Variants in AK9 observed in about 807,000 individuals in gnomAD.
The protein encoded by AK9 is adenylate kinase domain containing 1.
A neutral mutation model predicts 239.6 loss-of-function variants in AK9; 191 were observed. That is an observed-to-expected ratio of 0.80 (90% confidence interval 0.71 to 0.90). The LOEUF (loss-of-function observed/expected upper bound fraction) is 0.90, where lower values mean the gene tolerates loss of function less well. Among genes scored for constraint, AK9 ranks in the 40% least tolerant of loss-of-function variants. The probability of loss-of-function intolerance (pLI) is 0.00; values close to 1 mark genes in which losing one functional copy is unlikely to be tolerated. For synonymous variants in AK9, 689 were observed against 721.0 expected, an observed-to-expected ratio of 0.96 and a Z score of 0.71; for missense variants, 1,995 against 2,214.7, an observed-to-expected ratio of 0.90 and a Z score of 1.99.
chr6:109,627,208 T>G (rs189480665), intron 12 of AK9, among the ~76,000 whole-genome samples: 2 of 138,932 alleles, frequency 1.4e-5, no homozygotes, highest in East Asian at 4.9e-4. Context: ...GTCTTCCTCC[T>G]CTATATCTTG....
At chr6:109,678,590 T>C (rs1772103449) in intron 1 of AK9, among the ~76,000 whole-genome samples, 1 of 152,186 alleles carries the variant, frequency 6.6e-6, no homozygotes, top group African/African-American at 2.4e-5. Context: ...TCTACAGTTA[T>C]CTCAAAATGA....
intron 25 of AK9, among the ~76,000 whole-genome samples, chr6:109,549,157 T>C (rs1455141079): frequency 6.6e-6 from 1 of 152,158 alleles, no homozygotes; most frequent in African/African-American, 2.4e-5. Flanking sequence ...ATAGCCATGG[T>C]AACAATAGCC....
chr6:109,566,466 A>G (rs57475042), intron 21 of AK9, among the ~76,000 whole-genome samples: 1 of 152,320 alleles, frequency 6.6e-6, no homozygotes, highest in East Asian at 1.9e-4. Flanking sequence ...TACAAGATGT[A>G]TGCTTGGAGT....
At chr6:109,534,287 ATTTAT>A (rs892287240) in intron 27 of AK9, among the ~76,000 whole-genome samples, 5 of 150,200 alleles carry the variant, frequency 3.3e-5, no homozygotes, top group African/African-American at 4.8e-5. Flanking sequence ...ACTTATTTTA[ATTTAT>A]TTTATTTTAT....
chr6:109,569,287 G>C (rs1385370710), intron 21 of AK9, among the ~76,000 whole-genome samples: 2 of 152,132 alleles, frequency 1.3e-5, no homozygotes, highest in Non-Finnish European at 2.9e-5. Context: ...ATTCAAGATG[G>C]ATTAAAGACT....
intron 17 of AK9, among the ~76,000 whole-genome samples, chr6:109,600,686 C>T (rs1357212768): frequency 9.2e-5 from 14 of 152,212 alleles, no homozygotes; most frequent in African/African-American, 3.4e-4. Flanking sequence ...TGGTAGAATT[C>T]GGCTGTGAAT....
Position 109,493,338 on chromosome 6 carries a change from T to C in AK9, c.*31A>G, listed in dbSNP as rs1562309850. ...TCCCTCTATCACTTTCAGATAACTC[T>C]TGAGATTCAGGCTGCTATCACCTAA... On this transcript the variant is annotated 3_prime_UTR_variant, in exon 41 of 41. Transcript: ENST00000424296. 6.9e-6 allele frequency: 11 copies of C among 1,591,566 alleles called. No homozygotes were observed. The highest frequency in any genetic ancestry group is 9.5e-6 in the Non-Finnish European group (11 of 1,161,972).
At chr6:109,643,382 T>C (rs929333361) in intron 9 of AK9, among the ~76,000 whole-genome samples, 3 of 152,226 alleles carry the variant, frequency 2.0e-5, no homozygotes, top group African/African-American at 7.2e-5. Context: ...AATTCCCATA[T>C]TAAGTTACTC....
intron 24 of AK9, among the ~76,000 whole-genome samples, chr6:109,552,172 G>A (rs1051847509): frequency 5.9e-5 from 9 of 152,002 alleles, no homozygotes; most frequent in Non-Finnish European, 8.8e-5. Flanking sequence ...TAAATAGTGC[G>A]ACAATAAACA....
intron 8 of AK9, among the ~76,000 whole-genome samples, chr6:109,645,975 C>G (rs1469257529): frequency 6.6e-6 from 1 of 152,224 alleles, no homozygotes; most frequent in Non-Finnish European, 1.5e-5. Context: ...CTCCAGCAAA[C>G]TCCAACAGAC....
intron 20 of AK9, 61 bp from the exon 21 acceptor site, chr6:109,573,655 G>A (rs1026688913): frequency 3.4e-6 from 5 of 1,457,196 alleles, no homozygotes; most frequent in Admixed American, 4.3e-5. Flanking sequence ...TTTATTGGGT[G>A]TTGATAAGTG....
At chr6:109,608,710 G>T (rs1280924381) in intron 17 of AK9, among the ~76,000 whole-genome samples, 1 of 151,892 alleles carries the variant, frequency 6.6e-6, no homozygotes, top group Non-Finnish European at 1.5e-5. Flanking sequence ...TACTATGAAA[G>T]GAAAAATTAA....
At chr6:109,567,834 T>G (rs1180871238) in intron 21 of AK9, among the ~76,000 whole-genome samples, 1 of 149,140 alleles carries the variant, frequency 6.7e-6, no homozygotes, top group Non-Finnish European at 1.5e-5. Context: ...TATACATATG[T>G]AACAAACCTG....
chr6:109,579,859 AT>A (rs1478239415), intron 19 of AK9, among the ~76,000 whole-genome samples: 1 of 152,210 alleles, frequency 6.6e-6, no homozygotes, highest in African/African-American at 2.4e-5. Context: ...ATTAGGAAAC[AT>A]GTCAAAAATA....
chr6:109,622,356 T>C (rs979530369), intron 12 of AK9, among the ~76,000 whole-genome samples: 2 of 143,018 alleles, frequency 1.4e-5, no homozygotes, highest in African/African-American at 5.0e-5. Context: ...ATATATATAG[T>C]ATATATAGCA....
Position 109,506,379 on chromosome 6 carries a change from A to G in AK9, c.4797T>C (p.Asn1599=). ...GCATGTATTTATTCACCATTTGAAC[A>G]TTCTTAATGACTTCATTCCATACCC... is the stretch of plus-strand genomic sequence containing the variant. ...KWWVWNEVIK[N]VQMVNKYMQT... Residue 1599 remains asparagine, a synonymous_variant, in exon 35 of 41, where the codon AAT becomes AAC. Coordinates refer to ENST00000424296, the MANE Select transcript of AK9 (RefSeq NM_001145128.3). The G allele has an allele frequency of 2.5e-6, 4 of 1,613,780 alleles. No homozygotes were observed. In the African/African-American group the frequency reaches 4.0e-5, roughly 16 times the overall value.
At chr6:109,573,675 A>G in intron 20 of AK9, 81 bp from the exon 21 acceptor site, 1 of 1,333,508 alleles carries the variant, frequency 7.5e-7, no homozygotes, top group Non-Finnish European at 1.0e-6. Flanking sequence ...GCTGAAGCCA[A>G]ACAAAGAATA....
At chr6:109,537,338 T>C (rs1782156258) in intron 27 of AK9, among the ~76,000 whole-genome samples, 1 of 152,090 alleles carries the variant, frequency 6.6e-6, no homozygotes. Context: ...CTTGAGAGGT[T>C]CTATGTGTCC....
chr6:109,497,340 A>ACACACACACG, intron 38 of AK9, 125 bp downstream of exon 38: 1 of 572,064 alleles, frequency 1.7e-6, no homozygotes, highest in Admixed American at 3.3e-5. Context: ...ACACACACAC[A>ACACACACACG]CACACACACA....
Sources: gnomAD v4.1 joint callset for allele counts (sites outside exome capture counted in the v4.1 genomes callset) on GRCh38, gnomAD v4.1.1 for gene constraint, MANE v1.5 for transcripts, NCBI Gene and HGNC (gene_info 2026-07-23, HGNC 2026-07-21) for gene names.